The following SRGAP1 variants were observed in gnomAD, a reference collection of about 807,000 sequenced individuals.
The protein encoded by SRGAP1 is SLIT-ROBO Rho GTPase activating protein 1.
A neutral mutation model predicts 121.9 loss-of-function variants in SRGAP1; 43 were observed. That is an observed-to-expected ratio of 0.35 (90% CI 0.28 to 0.46). The LOEUF (loss-of-function observed/expected upper bound fraction) is 0.46, where lower values mean the gene tolerates loss of function less well. Ranked by LOEUF, SRGAP1 falls within the 20% of genes least tolerant of loss-of-function variation. The pLI is 1.00. For synonymous variants in SRGAP1, 447 were observed against 485.4 expected (o/e 0.92, Z 1.04); for missense variants, 1,102 against 1,350.9 (o/e 0.82, Z 2.89).
intron 3 of SRGAP1, among the ~76,000 whole-genome samples, chr12:63,999,233 A>G (rs2033805610): frequency 6.6e-6 from 1 of 152,210 alleles, no homozygotes; most frequent in Non-Finnish European, 1.5e-5. Context: ...GAGAGGGCAG[A>G]TGGCAAGAGA....
At chr12:64,031,417 A>G (rs1306604939) in intron 4 of SRGAP1, among the ~76,000 whole-genome samples, 6 of 152,054 alleles carry the variant, frequency 3.9e-5, no homozygotes, top group Admixed American at 1.3e-4. Context: ...TTTAGTTACT[A>G]TGAGATAAAA....
chr12:64,151,862 C>A lies in SRGAP1; in HGVS notation c.*9190C>A, dbSNP rs186740112. On this transcript the variant is annotated 3_prime_UTR_variant, in exon 22 of 22. Transcript: ENST00000355086. ...AAGCTCAACAGACCCAAAAATTAAA[C>A]CCACTTTGTTTCATTCCAAAAAATA... 1 of 152,178 alleles carries A rather than the reference C, an allele frequency of 6.6e-6. No individual in the cohort carries two copies. 9.4% of individuals were successfully genotyped at this position (152,178 alleles called of 1,614,324 possible).
intron 1 of SRGAP1, among the ~76,000 whole-genome samples, chr12:63,957,564 T>C (rs2032509726): frequency 6.6e-6 from 1 of 152,144 alleles, no homozygotes; most frequent in Non-Finnish European, 1.5e-5. Flanking sequence ...ATACTCTGTG[T>C]CTGTGGCAAC....
chr12:63,891,914 A>G (rs548706381), intron 1 of SRGAP1, among the ~76,000 whole-genome samples: 1 of 149,962 alleles, frequency 6.7e-6, no homozygotes, highest in Non-Finnish European at 1.5e-5. Context: ...TGAACCCAGG[A>G]GGCAGAGGCT....
intron 4 of SRGAP1, among the ~76,000 whole-genome samples, chr12:64,019,216 A>C (rs1364887415): frequency 6.6e-6 from 1 of 152,172 alleles, no homozygotes; most frequent in African/African-American, 2.4e-5. Context: ...TATATAATTA[A>C]ATTTCTCCTA....
rs577495357 is a variant in SRGAP1 at position 63,918,293 on chromosome 12, C to T, written c.68-65654C>T. On this transcript the variant is annotated intron_variant, in intron 1 of 21. Transcript: ENST00000355086. ...TTACCCTGTTTTAGAGATGAGAAAACGGAAACCCAGTGAAGTTAAGCAACT... is the reference window on the plus strand; with the variant it reads ...TTACCCTGTTTTAGAGATGAGAAAATGGAAACCCAGTGAAGTTAAGCAACT... 3.3e-5 allele frequency among the ~76,000 whole-genome samples: 5 copies of T among 152,092 alleles called. No homozygotes were observed. The East Asian group carries it at 5.8e-4, about 18-fold the overall frequency.
At chr12:63,998,009 T>C (rs1383517251) in intron 3 of SRGAP1, among the ~76,000 whole-genome samples, 2 of 152,186 alleles carry the variant, frequency 1.3e-5, no homozygotes, top group African/African-American at 4.8e-5. Flanking sequence ...AATCTTCTAA[T>C]GACTCTCACC....
chr12:63,883,096 C>G (rs1404962654), intron 1 of SRGAP1, among the ~76,000 whole-genome samples: 1 of 152,220 alleles, frequency 6.6e-6, no homozygotes, highest in East Asian at 1.9e-4. Context: ...CCTGCCAGCC[C>G]CATTATTCCC....
At chr12:63,979,921 C>G (rs1044277510) in intron 1 of SRGAP1, among the ~76,000 whole-genome samples, 3 of 152,242 alleles carry the variant, frequency 2.0e-5, no homozygotes, top group East Asian at 1.9e-4. Flanking sequence ...CTTGCACTTA[C>G]GCTTTCACCA....
At chr12:63,853,553 T>C (rs946876948) in intron 1 of SRGAP1, among the ~76,000 whole-genome samples, 1 of 152,162 alleles carries the variant, frequency 6.6e-6, no homozygotes, top group Admixed American at 6.5e-5. Context: ...GACTGTAAAA[T>C]GGAAGGTGAA....
intron 1 of SRGAP1, among the ~76,000 whole-genome samples, chr12:63,914,038 G>A (rs1416684541): frequency 6.6e-6 from 1 of 152,066 alleles, no homozygotes; most frequent in African/African-American, 2.4e-5. Context: ...CCTCTTGTAT[G>A]AACAGTATTT....
chr12:64,061,192 A>G (rs956273576), intron 6 of SRGAP1, among the ~76,000 whole-genome samples: 4 of 152,156 alleles, frequency 2.6e-5, no homozygotes, highest in African/African-American at 9.7e-5. Context: ...AGATTCAAGA[A>G]TCTCAAAGCT....
chr12:64,142,240 C>T lies in SRGAP1; in HGVS notation c.2881-55C>T, dbSNP rs543124660. The T allele has an allele frequency of 2.9e-5, 46 of 1,568,302 alleles. No individual in the cohort carries two copies. In the South Asian group the frequency reaches 4.5e-4, roughly 16 times the overall value. ...GAAATTAAGTGTCTGGGTTTCTATA[C>T]ATTAGTATTCATTATCAGTCTGTGC... On this transcript the variant is annotated intron_variant, in intron 21 of 21. Coordinates refer to ENST00000355086, the MANE Select transcript of SRGAP1 (RefSeq NM_020762.4).
Position 64,152,922 on chromosome 12 carries a change from A to C in SRGAP1, c.*10250A>C, listed in dbSNP as rs1345896909. 2.0e-5 allele frequency: 3 copies of C among 151,154 alleles called. No homozygotes were observed. The highest frequency in any genetic ancestry group is 6.6e-5 in the Admixed American group (1 of 15,182). 9.4% of individuals were successfully genotyped at this position (151,154 alleles called of 1,614,324 possible). The stretch of plus-strand genomic sequence containing the variant: ...TTCCTGGTATGATTTAAAAAAAAAA[A>C]AAAAAAAAAAAAAACCACTACATAA... On this transcript the variant is annotated 3_prime_UTR_variant, in exon 22 of 22. Transcript: ENST00000355086.
intron 1 of SRGAP1, among the ~76,000 whole-genome samples, chr12:63,861,300 A>T (rs1249166218): frequency 5.0e-4 from 63 of 125,828 alleles, no homozygotes; most frequent in Non-Finnish European, 6.8e-4. Flanking sequence ...ATATATATAT[A>T]TATTTTTTTT....
intron 1 of SRGAP1, among the ~76,000 whole-genome samples, chr12:63,904,426 C>T (rs2030099392): frequency 6.6e-6 from 1 of 152,166 alleles, no homozygotes; most frequent in South Asian, 2.1e-4. Flanking sequence ...GGAACTGAAG[C>T]AGTGTCTTAG....
intron 1 of SRGAP1, among the ~76,000 whole-genome samples, chr12:63,887,074 AT>A (rs1249726668): frequency 4.6e-5 from 7 of 151,580 alleles, no homozygotes; most frequent in Non-Finnish European, 7.4e-5. Context: ...GGGTTTCACC[AT>A]GTTGGCCAGG....
At chr12:64,112,331 G>C (rs1592332615) in intron 17 of SRGAP1, among the ~76,000 whole-genome samples, 1 of 152,066 alleles carries the variant, frequency 6.6e-6, no homozygotes, top group East Asian at 1.9e-4. Flanking sequence ...CTAAATCAAA[G>C]GTTTTGGTTT....
intron 3 of SRGAP1, among the ~76,000 whole-genome samples, chr12:63,999,604 T>C (rs936076613): frequency 6.6e-6 from 1 of 151,970 alleles, no homozygotes; most frequent in Non-Finnish European, 1.5e-5. Flanking sequence ...ACACCCAGGC[T>C]TGGGCAGTTG....
Sources: gnomAD v4.1 joint callset for allele counts (sites outside exome capture counted in the v4.1 genomes callset) on GRCh38, gnomAD v4.1.1 for gene constraint, MANE v1.5 for transcripts, NCBI Gene and HGNC (gene_info 2026-07-23, HGNC 2026-07-21) for gene names.